Variants in MAF observed in about 807,000 individuals in gnomAD.
MAF encodes the protein transcription factor Maf.
MAF carries 10 observed loss-of-function variants against 22.0 expected under a neutral mutation model. The observed-to-expected ratio is 0.45, with a 90% CI of 0.28 to 0.77. The LOEUF is 0.77. Among genes scored for constraint, MAF ranks in the 30% least tolerant of loss-of-function variants. MAF has a pLI of 0.12. For synonymous variants in MAF, 337 were observed against 255.8 expected (o/e 1.32, Z -3.03); for missense variants, 544 against 548.4 (o/e 0.99, Z 0.08).
the MAF span, chr16:79,211,840 G>T: frequency 1.9e-3 from 3,052 of 1,611,590 alleles, 42 homozygotes; most frequent in Middle Eastern, 6.3e-3. Flanking sequence ...CCCTGTGTGT[G>T]TCCCCTCACG....
Position 79,594,047 on chromosome 16 carries a change from G to T in MAF, c.*413C>A. On this transcript the variant is annotated 3_prime_UTR_variant, in exon 2 of 2. Transcript: ENST00000326043. ...ATTTTTCTTCTTAGTAAAATTATCT[G>T]CCAGAGAAACAATGAAGCATGAAAA... The T allele has an allele frequency of 4.3e-6, 1 of 231,866 alleles. No individual in the cohort carries two copies. Among genetic ancestry groups the T allele is most frequent in the Non-Finnish European group, 8.6e-6 (1 of 116,076 alleles). 14.4% of individuals were successfully genotyped at this position (231,866 alleles called of 1,614,324 possible).
the MAF span, among the ~76,000 whole-genome samples, chr16:79,383,314 T>C: frequency 2.0e-4 from 31 of 152,088 alleles, 1 homozygote; most frequent in South Asian, 4.4e-3. Flanking sequence ...TCCAGATAAA[T>C]AGTATGCTGG....
the MAF span, among the ~76,000 whole-genome samples, chr16:79,538,184 T>C: frequency 3.3e-5 from 5 of 152,124 alleles, no homozygotes; most frequent in Admixed American, 1.3e-4. Context: ...CATAAAACTA[T>C]AAAAAAGAGT....
chr16:79,317,137 C>T, the MAF span, among the ~76,000 whole-genome samples: 2 of 150,486 alleles, frequency 1.3e-5, no homozygotes, highest in Non-Finnish European at 1.5e-5. Context: ...CTCTCCCTCC[C>T]TCCTTCCCTC....
In MAF at chr16:79,599,573, G is replaced by C. The variant is rs768483870; in HGVS notation, c.330C>G (p.Pro110=). ...QLNPEALGFS[P]EDAVEALISN... is the part of the protein sequence containing the mutation. ...TGATGAGCGCCTCGACCGCGTCCTC[G>C]GGGCTGAAGCCCAGCGCCTCGGGGT... Residue 110 remains proline (P), a synonymous_variant, in exon 1 of 2, where the codon CCC becomes CCG. Transcript: ENST00000326043. 1.2e-5 allele frequency: 20 copies of C among 1,600,536 alleles called. No individual in the cohort carries two copies. Among genetic ancestry groups the C allele is most frequent in the South Asian group, 5.6e-5 (5 of 89,136 alleles).
At chr16:79,512,757 A>T in the MAF span, among the ~76,000 whole-genome samples, 1 of 152,222 alleles carries the variant, frequency 6.6e-6, no homozygotes, top group Non-Finnish European at 1.5e-5. Flanking sequence ...GTGGCAGGAA[A>T]AAATGTGGGT....
chr16:79,241,671 C>A, the MAF span, among the ~76,000 whole-genome samples: 1 of 152,016 alleles, frequency 6.6e-6, no homozygotes, highest in Admixed American at 6.6e-5. Context: ...GGCCAACATT[C>A]AAATTCAGGA....
At chr16:79,514,158 G>A in the MAF span, among the ~76,000 whole-genome samples, 1 of 152,142 alleles carries the variant, frequency 6.6e-6, no homozygotes, top group East Asian at 1.9e-4. Flanking sequence ...TTCATTGCAC[G>A]GGGGAAATAA....
the MAF span, among the ~76,000 whole-genome samples, chr16:79,398,862 T>A: frequency 2.0e-5 from 3 of 152,208 alleles, no homozygotes; most frequent in Non-Finnish European, 2.9e-5. Flanking sequence ...AGGCATTCTC[T>A]GCCCCATTGC....
chr16:79,318,186 T>G, the MAF span, among the ~76,000 whole-genome samples: 1 of 152,182 alleles, frequency 6.6e-6, no homozygotes, highest in African/African-American at 2.4e-5. Context: ...ATGAGACTCT[T>G]AGGCCAGAAG....
At chr16:79,413,532 C>T in the MAF span, among the ~76,000 whole-genome samples, 7 of 151,198 alleles carry the variant, frequency 4.6e-5, no homozygotes, top group African/African-American at 1.5e-4. Context: ...CGCGCCCGGC[C>T]GAGCTGTGCA....
chr16:79,322,772 G>C, the MAF span, among the ~76,000 whole-genome samples: 15 of 152,160 alleles, frequency 9.9e-5, no homozygotes, highest in East Asian at 1.7e-3. Flanking sequence ...TGAGAGGCCA[G>C]TGGAGAAAAG....
chr16:79,381,138 A>T, the MAF span, among the ~76,000 whole-genome samples: 1 of 152,044 alleles, frequency 6.6e-6, no homozygotes, highest in Non-Finnish European at 1.5e-5. Flanking sequence ...GCAGCTAGAG[A>T]TCAATGATAA....
the MAF span, among the ~76,000 whole-genome samples, chr16:79,238,597 G>C: frequency 2.0e-5 from 3 of 152,098 alleles, 1 homozygote; most frequent in Middle Eastern, 0.01. Context: ...AAGACAGAAA[G>C]AGTCTCTGGA....
chr16:79,579,917 A>G, the MAF span, among the ~76,000 whole-genome samples: 145 of 152,312 alleles, frequency 9.5e-4, no homozygotes, highest in African/African-American at 3.2e-3. Context: ...CAGGAACCAC[A>G]CACCAGCCCA....
chr16:79,521,930 T>C, the MAF span, among the ~76,000 whole-genome samples: 1 of 152,192 alleles, frequency 6.6e-6, no homozygotes, highest in Non-Finnish European at 1.5e-5. Context: ...GAAATAAAGA[T>C]AAATAATATG....
chr16:79,212,280 A>G, the MAF span: 1 of 1,188,146 alleles, frequency 8.4e-7, no homozygotes. Flanking sequence ...CCTGACCAAG[A>G]CTGAGCCAGC....
chr16:79,467,924 T>C, the MAF span, among the ~76,000 whole-genome samples: 3 of 131,462 alleles, frequency 2.3e-5, no homozygotes, highest in Non-Finnish European at 3.2e-5. Flanking sequence ...CATGATGCTT[T>C]GGGGGTGGTG....
At chr16:79,240,435 T>G in the MAF span, among the ~76,000 whole-genome samples, 1 of 127,530 alleles carries the variant, frequency 7.8e-6, no homozygotes, top group African/African-American at 2.7e-5. Context: ...CTTCCCCCTC[T>G]CCTACCAGAA....
Sources: gnomAD v4.1 joint callset for allele counts (sites outside exome capture counted in the v4.1 genomes callset) on GRCh38, gnomAD v4.1.1 for gene constraint, MANE v1.5 for transcripts, NCBI Gene and HGNC (gene_info 2026-07-23, HGNC 2026-07-21) for gene names.